The following CCDC178 variants were observed in gnomAD, a reference collection of about 807,000 sequenced individuals.
The protein encoded by CCDC178 is coiled-coil domain containing 178.
Under a neutral mutation model 117.4 loss-of-function variants are expected in CCDC178, and 126 were observed. That is an observed-to-expected ratio of 1.07 (90% CI 0.93 to 1.24). CCDC178 has a LOEUF of 1.24. CCDC178 is among the 50% of genes most tolerant of loss of function. The pLI, the probability that CCDC178 is intolerant of heterozygous loss-of-function variation, is 0.00. For synonymous variants in CCDC178, 283 were observed against 313.4 expected, an observed-to-expected ratio of 0.90 and a Z score of 1.02; for missense variants, 1,030 against 986.9, an observed-to-expected ratio of 1.04 and a Z score of -0.59.
At chr18:33,274,550 A>G (rs780104344) in intron 12 of CCDC178, among the ~76,000 whole-genome samples, 1 of 151,976 alleles carries the variant, frequency 6.6e-6, no homozygotes, top group African/African-American at 2.4e-5. Context: ...TGTACTTAGA[A>G]AATGGAAACT....
intron 22 of CCDC178, among the ~76,000 whole-genome samples, chr18:32,968,754 T>C (rs1377691304): frequency 2.0e-5 from 3 of 152,070 alleles, no homozygotes; most frequent in Non-Finnish European, 2.9e-5. Context: ...TCTCTAAATG[T>C]ATATATATTA....
At chr18:33,219,412 C>A (rs1212160459) in intron 18 of CCDC178, among the ~76,000 whole-genome samples, 2 of 152,026 alleles carry the variant, frequency 1.3e-5, no homozygotes, top group Admixed American at 6.6e-5. Flanking sequence ...TTGACCCAGC[C>A]ATCCCATTAC....
intron 5 of CCDC178, among the ~76,000 whole-genome samples, chr18:33,386,226 TA>T (rs1568192887): frequency 1.3e-5 from 2 of 151,862 alleles, no homozygotes; most frequent in Non-Finnish European, 2.9e-5. Context: ...GCCTACCAAC[TA>T]AAAAAAGGCC....
At chr18:33,187,438 T>C (rs916609054) in intron 20 of CCDC178, among the ~76,000 whole-genome samples, 3 of 152,096 alleles carry the variant, frequency 2.0e-5, no homozygotes, top group Non-Finnish European at 4.4e-5. Flanking sequence ...TTTCCTAATG[T>C]CAATCCCCTT....
chr18:33,186,500 A>G (rs1042744206), intron 20 of CCDC178, among the ~76,000 whole-genome samples: 2 of 152,090 alleles, frequency 1.3e-5, no homozygotes, highest in Non-Finnish European at 1.5e-5. Context: ...TTAAGTGACA[A>G]TGTTCTAATT....
chr18:33,128,748 G>T (rs982633069), intron 20 of CCDC178, among the ~76,000 whole-genome samples: 1 of 152,132 alleles, frequency 6.6e-6, no homozygotes, highest in Admixed American at 6.6e-5. Context: ...AGAAATCAGT[G>T]ACTAACATTT....
chr18:33,167,524 C>A (rs996654262), intron 20 of CCDC178, among the ~76,000 whole-genome samples: 2 of 152,180 alleles, frequency 1.3e-5, no homozygotes, highest in East Asian at 1.9e-4. Context: ...TGATGTTGTG[C>A]ATTTTTTTCA....
At chr18:33,361,563 C>G (rs900764256) in intron 6 of CCDC178, among the ~76,000 whole-genome samples, 1 of 151,642 alleles carries the variant, frequency 6.6e-6, no homozygotes, top group African/African-American at 2.4e-5. Context: ...AACCACATAT[C>G]TGATAAGGAG....
chr18:33,139,972 C>T (rs1377464464), intron 20 of CCDC178, among the ~76,000 whole-genome samples: 3 of 152,208 alleles, frequency 2.0e-5, no homozygotes, highest in African/African-American at 4.8e-5. Context: ...GGTCTTGGTG[C>T]TCTGTGTCCC....
chr18:33,229,142 G>A (rs887062667), intron 15 of CCDC178, among the ~76,000 whole-genome samples: 1 of 152,168 alleles, frequency 6.6e-6, no homozygotes, highest in Admixed American at 6.5e-5. Flanking sequence ...GAATGAAGCA[G>A]GATTGGACAG....
At chr18:33,126,089 G>C (rs1275144600) in intron 20 of CCDC178, among the ~76,000 whole-genome samples, 4 of 152,146 alleles carry the variant, frequency 2.6e-5, no homozygotes, top group African/African-American at 9.7e-5. Context: ...AATAGCTCCA[G>C]GTGGACAGGA....
intron 2 of CCDC178, among the ~76,000 whole-genome samples, chr18:33,416,715 G>C (rs1252111299): frequency 6.6e-6 from 1 of 152,036 alleles, no homozygotes; most frequent in Non-Finnish European, 1.5e-5. Flanking sequence ...TTCCCCACTG[G>C]GTAGTGTGAG....
At chr18:33,007,962 T>C (rs962034224) in intron 21 of CCDC178, among the ~76,000 whole-genome samples, 2 of 152,190 alleles carry the variant, frequency 1.3e-5, no homozygotes, top group Non-Finnish European at 2.9e-5. Flanking sequence ...TCTTTTCTCA[T>C]TGATCTTCTG....
intron 20 of CCDC178, among the ~76,000 whole-genome samples, chr18:33,128,574 C>T (rs2058035132): frequency 6.6e-6 from 1 of 152,106 alleles, no homozygotes; most frequent in Non-Finnish European, 1.5e-5. Context: ...GAATCTGGCC[C>T]TCATGCAGCT....
intron 20 of CCDC178, among the ~76,000 whole-genome samples, chr18:33,162,422 T>C (rs1393389920): frequency 6.6e-6 from 1 of 152,158 alleles, no homozygotes; most frequent in Non-Finnish European, 1.5e-5. Flanking sequence ...TAATTTTATG[T>C]TTTTATTACT....
At chr18:32,959,057 A>C (rs954536384) in intron 22 of CCDC178, among the ~76,000 whole-genome samples, 1 of 152,184 alleles carries the variant, frequency 6.6e-6, no homozygotes, top group Non-Finnish European at 1.5e-5. Flanking sequence ...ACAATTATCA[A>C]GTCAGATATT....
In CCDC178 at chr18:33,311,540, T is replaced by C. The variant is rs80308136; in HGVS notation, c.1022+11951A>G. Among the ~76,000 whole-genome samples, 958 of 152,294 alleles carry C rather than the reference T, an allele frequency of 6.3e-3. 8 individuals carry two copies. Among genetic ancestry groups the C allele is most frequent in the African/African-American group, 0.021 (862 of 41,568 alleles). On this transcript the variant is annotated intron_variant, in intron 11 of 22. Coordinates refer to ENST00000383096, the MANE Select transcript of CCDC178 (RefSeq NM_001105528.4). ...TCAGTCCCCTAACCAGGAGAAAGGA[T>C]CCTGAAGACCTAGGAGACTAGGACC...
At chr18:33,170,069 T>A (rs950510068) in intron 20 of CCDC178, among the ~76,000 whole-genome samples, 1 of 151,988 alleles carries the variant, frequency 6.6e-6, no homozygotes, top group Non-Finnish European at 1.5e-5. Context: ...TGTGTGTGTG[T>A]GTGTGTGTGT....
chr18:33,155,497 GT>G (rs944481083), intron 20 of CCDC178, among the ~76,000 whole-genome samples: 2 of 152,044 alleles, frequency 1.3e-5, no homozygotes, highest in African/African-American at 4.8e-5. Context: ...GAAAATCAGA[GT>G]AGAAATCAAT....
Sources: allele counts gnomAD v4.1 joint callset (sites outside exome capture counted in the v4.1 genomes callset), GRCh38; gene constraint gnomAD v4.1.1; transcripts MANE v1.5; gene names NCBI Gene and HGNC (gene_info 2026-07-23, HGNC 2026-07-21).